The following COL4A5 variants were observed in gnomAD, a reference collection of about 807,000 sequenced individuals.
COL4A5 encodes the protein collagen type IV alpha 5 chain, also known as collagen alpha-5(IV) chain.
COL4A5 carries 26 observed loss-of-function variants against 130.2 expected under a neutral mutation model. That is an observed-to-expected ratio of 0.20 (90% CI 0.15 to 0.28). The LOEUF (loss-of-function observed/expected upper bound fraction) is 0.28, where lower values mean the gene tolerates loss of function less well. COL4A5 is among the 10% of genes least tolerant of loss of function. COL4A5 has a pLI of 1.00. For missense variants in COL4A5, 1,131 were observed against 1,344.3 expected (o/e 0.84, Z 2.48); for synonymous variants, 496 against 439.6 (o/e 1.13, Z -1.60).
At chrX:108,642,848 CAAAAAA>C (rs35804797) in intron 36 of COL4A5, among the ~76,000 whole-genome samples, 1 of 34,680 alleles carries the variant, frequency 2.9e-5, no homozygotes, top group Admixed American at 3.8e-4. Context: ...TCCCCCTCTC[CAAAAAA>C]AAAAAAAAAA....
intron 36 of COL4A5, among the ~76,000 whole-genome samples, chrX:108,629,096 CAAAA>C (rs1370189912): frequency 9.0e-6 from 1 of 111,515 alleles, no homozygotes; most frequent in Non-Finnish European, 1.9e-5. Context: ...GTAAGTCATA[CAAAA>C]ACCCTGAGGT....
intron 1 of COL4A5, among the ~76,000 whole-genome samples, chrX:108,533,762 A>G (rs1017772044): frequency 9.0e-6 from 1 of 111,144 alleles, no homozygotes; most frequent in Non-Finnish European, 1.9e-5. Context: ...TGAATGGGAG[A>G]CAATTTTTGC....
At chrX:108,578,900 G>A (rs1012267076) in intron 13 of COL4A5, among the ~76,000 whole-genome samples, 7 of 110,548 alleles carry the variant, frequency 6.3e-5, no homozygotes, top group African/African-American at 2.3e-4. Flanking sequence ...GACTGGTCTC[G>A]AACTCCTGAC....
chrX:108,629,070 A>C (rs2067204103), intron 36 of COL4A5, among the ~76,000 whole-genome samples: 1 of 112,033 alleles, frequency 8.9e-6, no homozygotes, highest in Non-Finnish European at 1.9e-5. Flanking sequence ...AGCAGTGACC[A>C]CACTGCAGTA....
At chrX:108,444,944 G>T (rs1603243093) in intron 1 of COL4A5, among the ~76,000 whole-genome samples, 3 of 111,519 alleles carry the variant, frequency 2.7e-5, no homozygotes, top group Middle Eastern at 9.3e-3. Context: ...TGGTAGATGT[G>T]TAACTTTCAG....
intron 44 of COL4A5, 117 bp from the exon 45 acceptor site, chrX:108,680,562 C>G (rs1182605384): frequency 1.3e-5 from 8 of 600,991 alleles, no homozygotes; most frequent in African/African-American, 4.5e-5. Context: ...AGATTACAGT[C>G]TTGGAAGTTT....
intron 1 of COL4A5, among the ~76,000 whole-genome samples, chrX:108,464,826 A>G (rs2064688049): frequency 8.9e-6 from 1 of 112,322 alleles, no homozygotes; most frequent in Admixed American, 9.5e-5. Flanking sequence ...AGCGTTCCTC[A>G]TGGGAGTTGC....
At position 108,625,748 on chromosome X, in the gene COL4A5, A is replaced by G; in HGVS notation, c.3060A>G (p.Ile1020Met). ...NPGLPGQPGL[I>M]GPPGLKGTIG... is the part of the protein sequence containing the mutation. ...GTCTCCCTGGACAGCCAGGTCTTAT[A>G]GGACCTCCTGGACTTAAAGGAACCA... The change falls in exon 35 of 53, where the codon ATA becomes ATG. Residue 1020 changes from isoleucine to methionine, a missense_variant. Coordinates refer to ENST00000328300, the MANE Select transcript of COL4A5 (RefSeq NM_033380.3). The G allele has an allele frequency of 7.4e-6, 9 of 1,208,944 alleles. No homozygotes were observed. Among genetic ancestry groups the G allele is most frequent in the Non-Finnish European group, 1.0e-5 (9 of 892,920 alleles).
At chrX:108,476,613 T>C (rs2064836336) in intron 1 of COL4A5, among the ~76,000 whole-genome samples, 1 of 105,944 alleles carries the variant, frequency 9.4e-6, no homozygotes, top group African/African-American at 3.4e-5. Flanking sequence ...GTAACCATCC[T>C]TCTACTCTCT....
intron 28 of COL4A5, among the ~76,000 whole-genome samples, chrX:108,605,100 G>A (rs930302722): frequency 3.6e-5 from 4 of 112,252 alleles, no homozygotes; most frequent in African/African-American, 1.3e-4. Context: ...CACTGGAGTA[G>A]CACTTTTAAT....
intron 7 of COL4A5, 53 bp from the exon 8 acceptor site, chrX:108,571,758 G>T (rs1160500637): frequency 1.1e-6 from 1 of 901,312 alleles, no homozygotes; most frequent in East Asian, 3.1e-5. Flanking sequence ...TTCTGTAATT[G>T]GCGTGTTTCT....
chrX:108,614,802 C>A (rs1396358672), intron 29 of COL4A5, 109 bp from the exon 30 acceptor site: 7 of 549,178 alleles, frequency 1.3e-5, no homozygotes, highest in Non-Finnish European at 2.3e-5. Flanking sequence ...ACTTTTCTTG[C>A]TGAATGAATG....
At chrX:108,450,304 A>G (rs971808046) in intron 1 of COL4A5, among the ~76,000 whole-genome samples, 1 of 111,670 alleles carries the variant, frequency 9.0e-6, no homozygotes, top group Non-Finnish European at 1.9e-5. Flanking sequence ...GTGTTGCCCC[A>G]GCTGGTCTTG....
At chrX:108,509,144 G>A (rs2065157134) in intron 1 of COL4A5, among the ~76,000 whole-genome samples, 1 of 112,154 alleles carries the variant, frequency 8.9e-6, no homozygotes, top group African/African-American at 3.2e-5. Context: ...TACAGAATGG[G>A]AGAAAATAGC....
intron 36 of COL4A5, among the ~76,000 whole-genome samples, chrX:108,648,061 A>G (rs911621494): frequency 2.7e-5 from 3 of 110,468 alleles, no homozygotes; most frequent in Non-Finnish European, 5.7e-5. Flanking sequence ...TTGTGTCTCT[A>G]CCAGGCTTTG....
chrX:108,573,712 A>C, intron 9 of COL4A5, 58 bp downstream of exon 9: 1 of 803,370 alleles, frequency 1.2e-6, no homozygotes, highest in South Asian at 2.1e-5. Context: ...AGATTACAAC[A>C]ATCCCTCAAC....
chrX:108,573,581 C>G lies in COL4A5; in HGVS notation c.473C>G (p.Pro158Arg). Residue 158 changes from proline to arginine, a missense_variant, in exon 9 of 53, where the codon CCA becomes CGA. Pro to Arg is a moderately radical substitution (Grantham distance 103). Transcript: ENST00000328300. ...ATTGATGGCTTCTTTTAGGGTGAACCAGGTAGTATAATTATGTCATCACTG... is the reference window on the plus strand; with the variant it reads ...ATTGATGGCTTCTTTTAGGGTGAACGAGGTAGTATAATTATGTCATCACTG... ...PPGIPGMKGE[P>R]GSIIMSSLPG... is the part of the protein sequence containing the mutation. The G allele has an allele frequency of 1.7e-6, 2 of 1,198,763 alleles. No individual in the cohort carries two copies. The highest frequency in any genetic ancestry group is 2.3e-6 in the Non-Finnish European group (2 of 883,953).
At chrX:108,591,303 A>G in intron 20 of COL4A5, 72 bp downstream of exon 20, 7 of 1,033,598 alleles carry the variant, frequency 6.8e-6, no homozygotes, top group Non-Finnish European at 9.4e-6. Flanking sequence ...AACTCTAGCT[A>G]AAGGTTGGCC....
intron 51 of COL4A5, 26 bp downstream of exon 51, chrX:108,694,947 G>A (rs1019796693): frequency 1.9e-6 from 2 of 1,039,595 alleles, no homozygotes; most frequent in Middle Eastern, 2.6e-4. Context: ...CCTTGCATTT[G>A]TCATCATAGC....
Sources: allele counts gnomAD v4.1 joint callset (sites outside exome capture counted in the v4.1 genomes callset), GRCh38; gene constraint gnomAD v4.1.1; transcripts MANE v1.5; gene names NCBI Gene and HGNC (gene_info 2026-07-23, HGNC 2026-07-21).